Variants in EPSTI1 observed in about 807,000 individuals in gnomAD.
The protein encoded by EPSTI1 is epithelial-stromal interaction protein 1.
A neutral mutation model predicts 49.9 loss-of-function variants in EPSTI1; 66 were observed. That is an observed-to-expected ratio of 1.32 (90% CI 1.08 to 1.62). The LOEUF (loss-of-function observed/expected upper bound fraction) is 1.62. Among genes scored for constraint, EPSTI1 ranks in the 40% most tolerant of loss-of-function variants. The pLI is 0.00. For synonymous variants in EPSTI1, 137 were observed against 130.7 expected, an observed-to-expected ratio of 1.05 and a Z score of -0.33; for missense variants, 394 against 365.5, an observed-to-expected ratio of 1.08 and a Z score of -0.64.
At chr13:42,942,652 T>C (rs1033467858) in intron 6 of EPSTI1, among the ~76,000 whole-genome samples, 2 of 139,670 alleles carry the variant, frequency 1.4e-5, no homozygotes, top group African/African-American at 5.2e-5. Flanking sequence ...TTAGATCCTG[T>C]TGATTCTTTT....
chr13:42,980,623 A>C (rs1428573353), intron 1 of EPSTI1, among the ~76,000 whole-genome samples: 2 of 152,142 alleles, frequency 1.3e-5, no homozygotes, highest in African/African-American at 4.8e-5. Flanking sequence ...TCCCTCCCAC[A>C]ATACATGGTG....
At chr13:42,889,834 A>C (rs2036975950) in intron 10 of EPSTI1, among the ~76,000 whole-genome samples, 1 of 152,200 alleles carries the variant, frequency 6.6e-6, no homozygotes, top group South Asian at 2.1e-4. Flanking sequence ...TGGGTCTTAC[A>C]AAATCCTTTC....
In EPSTI1 at chr13:42,888,125, A is replaced by G; in HGVS notation, c.*369T>C. 8.6e-7 allele frequency: 1 copy of G among 1,161,166 alleles called. No individual in the cohort carries two copies. The highest frequency in any genetic ancestry group is 1.2e-6 in the Non-Finnish European group (1 of 827,384). 71.9% of individuals were successfully genotyped at this position (1,161,166 alleles called of 1,614,324 possible). ...CAAAGCTTTCAAAACCTGATCTGAG[A>G]ATTAGATAAGAATATGTCACTTAGA... On this transcript the variant is annotated 3_prime_UTR_variant, in exon 11 of 11. Coordinates refer to ENST00000313624, the MANE Select transcript of EPSTI1 (RefSeq NM_033255.5).
chr13:42,914,520 C>T (rs9315971), intron 8 of EPSTI1, among the ~76,000 whole-genome samples: 39,425 of 151,928 alleles, frequency 0.26, 5,204 homozygotes, highest in Middle Eastern at 0.28. Flanking sequence ...AAAAGACCAC[C>T]AAACTGTATG....
At chr13:42,952,232 T>C (rs1378973338) in intron 6 of EPSTI1, among the ~76,000 whole-genome samples, 1 of 152,214 alleles carries the variant, frequency 6.6e-6, no homozygotes, top group Non-Finnish European at 1.5e-5. Context: ...TTGGGTCCCC[T>C]TCCATGCTGT....
chr13:42,924,556 G>A (rs116669005), intron 7 of EPSTI1, among the ~76,000 whole-genome samples: 5 of 152,270 alleles, frequency 3.3e-5, no homozygotes, highest in African/African-American at 1.2e-4. Flanking sequence ...ACTCCAGCTG[G>A]TAAAGCTATC....
intron 6 of EPSTI1, among the ~76,000 whole-genome samples, chr13:42,939,085 GTTTCTA>G (rs1302269854): frequency 1.3e-5 from 2 of 152,086 alleles, no homozygotes; most frequent in East Asian, 3.9e-4. Flanking sequence ...ACCTCTGCTA[GTTTCTA>G]ACTTTTCTTC....
intron 8 of EPSTI1, among the ~76,000 whole-genome samples, chr13:42,912,823 T>TA (rs139881765): frequency 1.2e-3 from 174 of 143,046 alleles, no homozygotes; most frequent in African/African-American, 3.9e-3. Flanking sequence ...AGAATCCAAT[T>TA]AAAAAAAAAA....
At position 42,964,114 on chromosome 13, in the gene EPSTI1, G is replaced by A. The variant is rs941225883; in HGVS notation, c.357C>T (p.Val119=). 6.2e-7 allele frequency: 1 copy of A among 1,613,296 alleles called. No homozygotes were observed. ...RLGGSQSETE[V]RQKQQLQLMQ... is the part of the protein sequence containing the mutation. The stretch of plus-strand genomic sequence containing the variant: ...TCAGCTGGAGTTGTTGTTTCTGTCT[G>A]ACTTCAGTTTCTGACTGGCTTCCAC... The change falls in exon 4 of 11, where the codon GTC becomes GTT. Residue 119 remains valine (V), a synonymous_variant. Transcript: ENST00000313624.
chr13:42,972,063 G>T (rs1017662490), intron 1 of EPSTI1, among the ~76,000 whole-genome samples: 8 of 152,188 alleles, frequency 5.3e-5, no homozygotes, highest in African/African-American at 1.7e-4. Context: ...CCCGTGGGTA[G>T]TCCCTGGAAA....
intron 3 of EPSTI1, among the ~76,000 whole-genome samples, chr13:42,967,906 A>G (rs1399329717): frequency 9.2e-5 from 14 of 152,190 alleles, no homozygotes; most frequent in Non-Finnish European, 1.5e-4. Flanking sequence ...ACCCTGTTCT[A>G]CTTGCTGGAT....
intron 8 of EPSTI1, among the ~76,000 whole-genome samples, chr13:42,900,825 T>C (rs992129401): frequency 2.6e-5 from 4 of 152,200 alleles, no homozygotes; most frequent in South Asian, 2.1e-4. Flanking sequence ...CTCAATCTTA[T>C]AGTGTAATTC....
intron 8 of EPSTI1, among the ~76,000 whole-genome samples, chr13:42,907,991 G>A (rs139526038): frequency 6.2e-4 from 94 of 152,316 alleles, no homozygotes; most frequent in African/African-American, 2.1e-3. Flanking sequence ...GAACATAGGG[G>A]AAAGGACAGT....
chr13:42,908,159 T>A (rs1222185756), intron 8 of EPSTI1, among the ~76,000 whole-genome samples: 2 of 152,228 alleles, frequency 1.3e-5, no homozygotes, highest in Non-Finnish European at 2.9e-5. Flanking sequence ...AGACTTTAAA[T>A]GTAAAACCTG....
At chr13:42,963,151 G>A (rs41288321) in intron 5 of EPSTI1, 104 bp downstream of exon 5, 37,127 of 913,556 alleles carry the variant, frequency 0.041, 941 homozygotes, top group Non-Finnish European at 0.048. Flanking sequence ...AAGAGAGAGA[G>A]AGAGAAAGAT....
At chr13:42,968,598 T>A (rs1288429847) in intron 3 of EPSTI1, among the ~76,000 whole-genome samples, 1 of 152,144 alleles carries the variant, frequency 6.6e-6, no homozygotes, top group Non-Finnish European at 1.5e-5. Flanking sequence ...GAGGTCTCTA[T>A]CTGTAGAATA....
chr13:42,924,667 T>C (rs1328668046), intron 7 of EPSTI1, among the ~76,000 whole-genome samples: 2 of 152,158 alleles, frequency 1.3e-5, no homozygotes, highest in African/African-American at 4.8e-5. Flanking sequence ...TGCCTACAGC[T>C]TCTCAACTCT....
intron 5 of EPSTI1, among the ~76,000 whole-genome samples, chr13:42,962,427 T>C (rs1028925992): frequency 6.6e-6 from 1 of 152,078 alleles, no homozygotes. Flanking sequence ...GCCAACAGAA[T>C]TACAGTTATC....
chr13:42,891,856 A>G (rs899334163), intron 10 of EPSTI1, among the ~76,000 whole-genome samples: 2 of 152,240 alleles, frequency 1.3e-5, no homozygotes, highest in Non-Finnish European at 2.9e-5. Context: ...GGCGAAGAGT[A>G]AACAGTCAAC....
Sources: gnomAD v4.1 joint callset for allele counts (sites outside exome capture counted in the v4.1 genomes callset) on GRCh38, gnomAD v4.1.1 for gene constraint, MANE v1.5 for transcripts, NCBI Gene and HGNC (gene_info 2026-07-23, HGNC 2026-07-21) for gene names.